Variants in ADGRE3 observed in about 807,000 individuals in gnomAD.
The protein encoded by ADGRE3 is adhesion G protein-coupled receptor E3.
ADGRE3 carries 88 observed loss-of-function variants against 80.1 expected under a neutral mutation model. The ratio of observed to expected loss-of-function variants is 1.10; its 90% CI spans 0.93 to 1.31. The LOEUF is 1.31. Among genes scored for constraint, ADGRE3 ranks in the 40% most tolerant of loss-of-function variants. ADGRE3 has a pLI of 0.00. For missense variants in ADGRE3, 715 were observed against 776.5 expected (o/e 0.92, Z 0.94); for synonymous variants, 281 against 294.8 (o/e 0.95, Z 0.48).
chr19:14,667,760 A>G (rs1159813224), intron 2 of ADGRE3, among the ~76,000 whole-genome samples: 1 of 152,178 alleles, frequency 6.6e-6, no homozygotes, highest in Non-Finnish European at 1.5e-5. Flanking sequence ...GCAAACAAAT[A>G]TGGCACATGT....
chr19:14,633,472 C>T (rs549833436), intron 11 of ADGRE3, among the ~76,000 whole-genome samples, 170 bp from the exon 12 acceptor site: 1 of 152,014 alleles, frequency 6.6e-6, no homozygotes, highest in Non-Finnish European at 1.5e-5. Flanking sequence ...TTTGGGAGGC[C>T]GAGATGGGCG....
intron 14 of ADGRE3, among the ~76,000 whole-genome samples, chr19:14,627,344 C>A (rs547168438): frequency 1.3e-5 from 2 of 152,166 alleles, no homozygotes; most frequent in African/African-American, 4.8e-5. Context: ...TGCTTATACT[C>A]GTTATATAAA....
intron 5 of ADGRE3, among the ~76,000 whole-genome samples, chr19:14,655,631 A>T (rs1053318678): frequency 1.4e-5 from 2 of 146,464 alleles, no homozygotes; most frequent in African/African-American, 2.5e-5. Context: ...AATTTTTTTA[A>T]TTTTTTTTTT....
downstream of ADGRE3, among the ~76,000 whole-genome samples, chr19:14,617,341 C>CTTTCTTTCTTTCTTTCTTTCTTTCTTT (rs1599593839): frequency 8.7e-5 from 5 of 57,262 alleles, no homozygotes; most frequent in East Asian, 2.1e-3. Flanking sequence ...TCCCTCCCTC[C>CTTTCTTTCTTTCTTTCTTTCTTTCTTT]CTTTCTTTCT....
intron 6 of ADGRE3, among the ~76,000 whole-genome samples, chr19:14,654,587 A>G (rs987509899): frequency 6.6e-6 from 1 of 152,080 alleles, no homozygotes; most frequent in African/African-American, 2.4e-5. Flanking sequence ...TTAAGTGAAA[A>G]TTCCAGACCT....
the ADGRE3 span, among the ~76,000 whole-genome samples, chr19:14,612,497 G>A: frequency 6.6e-6 from 1 of 152,108 alleles, no homozygotes; most frequent in Non-Finnish European, 1.5e-5. Flanking sequence ...ACCGTGCCTG[G>A]TTAATTCTTG....
intron 1 of ADGRE3, 22 bp downstream of exon 1, chr19:14,674,724 T>G (rs778998607): frequency 1.2e-6 from 2 of 1,612,250 alleles, no homozygotes; most frequent in East Asian, 4.5e-5. Flanking sequence ...TAAGCCTCAG[T>G]CATTGTTACA....
intron 15 of ADGRE3, chr19:14,622,158 T>C: frequency 9.5e-7 from 1 of 1,048,676 alleles, no homozygotes; most frequent in East Asian, 2.6e-5. Context: ...CCTTGAAACT[T>C]CGGATCTGTA....
chr19:14,620,537 T>TTTATATA (rs1568471379), intron 15 of ADGRE3, among the ~76,000 whole-genome samples: 1 of 18,450 alleles, frequency 5.4e-5, no homozygotes, highest in Non-Finnish European at 8.9e-5. Context: ...TATATATATT[T>TTTATATA]TATATATATA....
chr19:14,650,878 A>G (rs1971587218), intron 7 of ADGRE3, among the ~76,000 whole-genome samples: 1 of 152,010 alleles, frequency 6.6e-6, no homozygotes, highest in Non-Finnish European at 1.5e-5. Flanking sequence ...CCACCATCCC[A>G]AATTGCAAAG....
At chr19:14,644,609 A>G (rs532567845) in intron 8 of ADGRE3, among the ~76,000 whole-genome samples, 1 of 151,744 alleles carries the variant, frequency 6.6e-6, no homozygotes, top group South Asian at 2.1e-4. Context: ...GGCATGAGCC[A>G]CTGCATCTGG....
downstream of ADGRE3, among the ~76,000 whole-genome samples, chr19:14,617,377 C>CTTTCTTTCTTTCTTGCTTTCTTTCTTT (rs1491527496): frequency 1.2e-5 from 1 of 86,306 alleles, no homozygotes; most frequent in Non-Finnish European, 2.2e-5. Flanking sequence ...TTTCTTTCTT[C>CTTTCTTTCTTTCTTGCTTTCTTTCTTT]CTTTCTTTCT....
chr19:14,670,294 T>C (rs1972219607), intron 1 of ADGRE3, among the ~76,000 whole-genome samples: 1 of 152,140 alleles, frequency 6.6e-6, no homozygotes. Context: ...GCAAGCTGCT[T>C]TAATGGAACA....
intron 15 of ADGRE3, among the ~76,000 whole-genome samples, chr19:14,620,405 T>C (rs924823918): frequency 2.5e-5 from 3 of 119,506 alleles, no homozygotes; most frequent in Non-Finnish European, 3.6e-5. Flanking sequence ...TATATGAATA[T>C]ATATGTATAT....
intron 3 of ADGRE3, 111 bp from the exon 4 acceptor site, chr19:14,662,229 A>G: frequency 1.8e-6 from 2 of 1,081,828 alleles, no homozygotes; most frequent in Non-Finnish European, 2.7e-6. Flanking sequence ...GCTTTCCGAG[A>G]CAAATCAGTT....
intron 10 of ADGRE3, among the ~76,000 whole-genome samples, chr19:14,639,481 T>A (rs1192451707): frequency 6.6e-6 from 1 of 152,100 alleles, no homozygotes; most frequent in Non-Finnish European, 1.5e-5. Flanking sequence ...CATAGCTCAC[T>A]GCAGCCTCGA....
intron 2 of ADGRE3, 124 bp from the exon 3 acceptor site, chr19:14,663,664 C>G: frequency 1.7e-6 from 2 of 1,190,542 alleles, no homozygotes; most frequent in Non-Finnish European, 2.3e-6. Flanking sequence ...CATACTGAAA[C>G]CCCATTTCTA....
At chr19:14,630,012 A>AG (rs77548886) in intron 14 of ADGRE3, 27 bp downstream of exon 14, 758,362 of 1,505,530 alleles carry the variant, frequency 0.5, 196,073 homozygotes, top group Non-Finnish European at 0.53. Flanking sequence ...TTAAGTTTAA[A>AG]TAACAAAGAA....
chr19:14,611,364 T>C, the ADGRE3 span, among the ~76,000 whole-genome samples: 3 of 144,478 alleles, frequency 2.1e-5, no homozygotes, highest in Admixed American at 2.3e-4. Context: ...CCCGTGGAAC[T>C]TCTATCCTTT....
Sources: gnomAD v4.1 joint callset for allele counts (sites outside exome capture counted in the v4.1 genomes callset) on GRCh38, gnomAD v4.1.1 for gene constraint, MANE v1.5 for transcripts, NCBI Gene and HGNC (gene_info 2026-07-23, HGNC 2026-07-21) for gene names.